Variants in PDZRN3 observed in about 807,000 individuals in gnomAD.
The protein encoded by PDZRN3 is PDZ domain containing ring finger 3.
In PDZRN3, 38 loss-of-function variants were observed where a neutral mutation model predicts 85.7. The ratio of observed to expected loss-of-function variants is 0.44; its 90% CI spans 0.34 to 0.58. The LOEUF (loss-of-function observed/expected upper bound fraction) is 0.58, where lower values mean the gene tolerates loss of function less well. PDZRN3 is among the 20% of genes least tolerant of loss of function. The pLI is 0.01. For synonymous variants in PDZRN3, 759 were observed against 638.0 expected (o/e 1.19, Z -2.86); for missense variants, 1,629 against 1,506.4 (o/e 1.08, Z -1.35).
At chr3:73,568,199 T>C (rs1701982299) in intron 3 of PDZRN3, among the ~76,000 whole-genome samples, 1 of 152,184 alleles carries the variant, frequency 6.6e-6, no homozygotes, top group East Asian at 1.9e-4. Flanking sequence ...GGATCTCATC[T>C]GTAAAATGGT....
rs968190976 is a variant in PDZRN3 at position 73,600,524 on chromosome 3, T to G, written c.918+1830A>C. ...GTTGTCAATTGCAATTATACATATA[T>G]CGTTTCTCTATTGTGGTCATCCTTC... is the stretch of plus-strand genomic sequence containing the variant. On this transcript the variant is annotated intron_variant, in intron 3 of 9. Transcript: ENST00000263666. 7.2e-5 allele frequency among the ~76,000 whole-genome samples: 11 copies of G among 152,144 alleles called. No individual in the cohort carries two copies. In the East Asian group the frequency reaches 2.1e-3, roughly 29 times the overall value.
At chr3:73,518,200 T>A (rs1008252211) in intron 3 of PDZRN3, among the ~76,000 whole-genome samples, 1 of 152,206 alleles carries the variant, frequency 6.6e-6, no homozygotes, top group African/African-American at 2.4e-5. Context: ...TGATACATGC[T>A]ATGACATGGA....
chr3:73,389,673 T>C, intron 7 of PDZRN3, 143 bp downstream of exon 7: 1 of 653,300 alleles, frequency 1.5e-6, no homozygotes. Context: ...TTAGTTTAAC[T>C]TGTCTGGCCT....
chr3:73,497,804 C>G (rs189703848), intron 3 of PDZRN3, among the ~76,000 whole-genome samples: 2 of 149,136 alleles, frequency 1.3e-5, no homozygotes, highest in Non-Finnish European at 1.5e-5. Context: ...CAGCGCCCCC[C>G]GTCCCCGCCC....
chr3:73,411,098 G>T lies in PDZRN3; in HGVS notation c.919-6703C>A, dbSNP rs148425697. On this transcript the variant is annotated intron_variant, in intron 3 of 9. Coordinates refer to ENST00000263666, the MANE Select transcript of PDZRN3 (RefSeq NM_015009.3). ...CAAGTATTCAGTGAGAAGTGGTTTT[G>T]CTCTTAAGCTTATTCTAGACCATTT... is the stretch of plus-strand genomic sequence containing the variant. Among the ~76,000 whole-genome samples the T allele has an allele frequency of 3.6e-3, 541 of 152,320 alleles. 6 individuals are homozygous for T. The highest frequency in any genetic ancestry group is 0.012 in the African/African-American group (516 of 41,568).
At chr3:73,580,120 G>C (rs1702177531) in intron 3 of PDZRN3, among the ~76,000 whole-genome samples, 1 of 152,156 alleles carries the variant, frequency 6.6e-6, no homozygotes, top group African/African-American at 2.4e-5. Context: ...TTTTAGGATT[G>C]AGTTGATCTT....
At chr3:73,622,369 C>T (rs763975668) in intron 1 of PDZRN3, among the ~76,000 whole-genome samples, 1 of 152,228 alleles carries the variant, frequency 6.6e-6, no homozygotes, top group African/African-American at 2.4e-5. Context: ...AAAGCAGACA[C>T]AGGCCCTTGG....
chr3:73,433,877 C>CCTT, intron 3 of PDZRN3: 2 of 1,433,376 alleles, frequency 1.4e-6, no homozygotes, highest in Non-Finnish European at 1.8e-6. Flanking sequence ...CTCTCTCCCC[C>CCTT]CTTCCACGCT....
At chr3:73,610,245 A>G (rs907201200) in intron 1 of PDZRN3, among the ~76,000 whole-genome samples, 1 of 152,236 alleles carries the variant, frequency 6.6e-6, no homozygotes, top group African/African-American at 2.4e-5. Context: ...CACTTACTCA[A>G]TATATAAAAT....
intron 3 of PDZRN3, among the ~76,000 whole-genome samples, chr3:73,485,221 T>C (rs887255346): frequency 5.3e-5 from 8 of 151,756 alleles, no homozygotes; most frequent in East Asian, 3.9e-4. Flanking sequence ...TAGACACACA[T>C]AGCCCCAGAA....
intron 3 of PDZRN3, among the ~76,000 whole-genome samples, chr3:73,598,070 T>C (rs1702457064): frequency 1.3e-5 from 2 of 152,104 alleles, no homozygotes; most frequent in Non-Finnish European, 2.9e-5. Context: ...TAAATAACTT[T>C]CAGTAGAGTA....
intron 3 of PDZRN3, among the ~76,000 whole-genome samples, chr3:73,508,199 G>A (rs1303093570): frequency 6.6e-6 from 1 of 152,160 alleles, no homozygotes; most frequent in Admixed American, 6.5e-5. Context: ...GCACATGCTG[G>A]ACACCCTTGC....
At chr3:73,525,047 T>C (rs185370704) in intron 3 of PDZRN3, among the ~76,000 whole-genome samples, 2 of 148,830 alleles carry the variant, frequency 1.3e-5, no homozygotes, top group African/African-American at 4.9e-5. Flanking sequence ...ATATATATTA[T>C]CTATATAATT....
At chr3:73,532,853 C>T (rs1292234059) in intron 3 of PDZRN3, among the ~76,000 whole-genome samples, 5 of 152,154 alleles carry the variant, frequency 3.3e-5, no homozygotes, top group East Asian at 1.9e-4. Flanking sequence ...ATGTAAGAAG[C>T]GAGAAATCTG....
intron 3 of PDZRN3, among the ~76,000 whole-genome samples, chr3:73,494,269 A>C (rs1455252219): frequency 6.6e-6 from 1 of 152,258 alleles, no homozygotes; most frequent in African/African-American, 2.4e-5. Flanking sequence ...ATTAAGAAGT[A>C]GAAGGCCATT....
Position 73,384,739 on chromosome 3 carries a change from G to A in PDZRN3, c.1827C>T (p.Ser609=). 2 of 1,613,990 alleles carry A rather than the reference G, an allele frequency of 1.2e-6. No homozygotes were observed. Among genetic ancestry groups the A allele is most frequent in the Non-Finnish European group, 1.7e-6 (2 of 1,180,034 alleles). The change falls in exon 10 of 10, where the codon AGC becomes AGT. Residue 609 remains serine, a synonymous_variant. Transcript: ENST00000263666. ...PLAGQRKLTC[S]QDTLGSGDLP... ...GGTCGCCGCTGCCCAAGGTGTCCTGGCTGCAGGTGAGCTTCCTCTGCCCCG... is the reference window on the plus strand; with the variant it reads ...GGTCGCCGCTGCCCAAGGTGTCCTGACTGCAGGTGAGCTTCCTCTGCCCCG...
intron 3 of PDZRN3, among the ~76,000 whole-genome samples, chr3:73,479,725 C>T (rs1017619458): frequency 6.6e-6 from 1 of 152,190 alleles, no homozygotes; most frequent in African/African-American, 2.4e-5. Flanking sequence ...CCCTGCCTGA[C>T]CCCAGCCCAG....
chr3:73,434,559 A>T (rs978098422), intron 3 of PDZRN3, among the ~76,000 whole-genome samples: 1 of 152,202 alleles, frequency 6.6e-6, no homozygotes, highest in African/African-American at 2.4e-5. Context: ...TGCATTTTCA[A>T]TTCCAAAAGC....
At chr3:73,426,203 G>A (rs1261920233) in intron 3 of PDZRN3, among the ~76,000 whole-genome samples, 1 of 151,498 alleles carries the variant, frequency 6.6e-6, no homozygotes. Flanking sequence ...TGTATATAAT[G>A]TATACATAAT....
Sources: gnomAD v4.1 joint callset for allele counts (sites outside exome capture counted in the v4.1 genomes callset) on GRCh38, gnomAD v4.1.1 for gene constraint, MANE v1.5 for transcripts, NCBI Gene and HGNC (gene_info 2026-07-23, HGNC 2026-07-21) for gene names.